BNC2: variants seen among roughly 807,000 people sequenced by gnomAD.
BNC2 encodes zinc finger protein basonuclin-2.
In BNC2, 20 loss-of-function variants were observed where a neutral mutation model predicts 76.3. That is an observed-to-expected ratio of 0.26 (90% CI 0.18 to 0.38). The LOEUF is 0.38. Among genes scored for constraint, BNC2 ranks in the 10% least tolerant of loss-of-function variants. The pLI is 1.00. For missense variants in BNC2, 1,382 were observed against 1,399.8 expected, an observed-to-expected ratio of 0.99 and a Z score of 0.20; for synonymous variants, 582 against 514.8, an observed-to-expected ratio of 1.13 and a Z score of -1.77.
At chr9:16,648,433 T>C (rs577718879) in intron 3 of BNC2, among the ~76,000 whole-genome samples, 1 of 152,208 alleles carries the variant, frequency 6.6e-6, no homozygotes, top group Non-Finnish European at 1.5e-5. Context: ...CAGGTTCTAT[T>C]AGCCAAGTCA....
intron 4 of BNC2, among the ~76,000 whole-genome samples, chr9:16,567,211 A>T (rs982108003): frequency 7.9e-5 from 12 of 152,216 alleles, no homozygotes; most frequent in Non-Finnish European, 1.3e-4. Context: ...TTTATGTGGG[A>T]ACAGAATTGC....
chr9:16,504,151 G>A (rs934404485), intron 5 of BNC2, among the ~76,000 whole-genome samples: 16 of 151,842 alleles, frequency 1.1e-4, no homozygotes, highest in Admixed American at 7.9e-4. Context: ...CCTCATCTGC[G>A]AAATAAGGAT....
At chr9:16,424,058 A>C (rs1251840236) in intron 6 of BNC2, among the ~76,000 whole-genome samples, 1 of 152,190 alleles carries the variant, frequency 6.6e-6, no homozygotes, top group African/African-American at 2.4e-5. Context: ...GCAACCACAG[A>C]AGACATGAAA....
chr9:16,638,129 T>C (rs1422578944), intron 3 of BNC2, among the ~76,000 whole-genome samples: 1 of 152,180 alleles, frequency 6.6e-6, no homozygotes, highest in African/African-American at 2.4e-5. Flanking sequence ...TCTGGGAGTC[T>C]TGTAGGAACA....
intron 4 of BNC2, among the ~76,000 whole-genome samples, chr9:16,578,182 A>T (rs992769231): frequency 6.6e-6 from 1 of 152,206 alleles, no homozygotes; most frequent in Non-Finnish European, 1.5e-5. Context: ...TCAAATACAC[A>T]AATCAAATAT....
At chr9:16,519,645 A>G (rs1817553481) in intron 5 of BNC2, among the ~76,000 whole-genome samples, 1 of 152,190 alleles carries the variant, frequency 6.6e-6, no homozygotes, top group Admixed American at 6.5e-5. Context: ...TGACAACAAA[A>G]ATAGCTGCTA....
rs1405826746 is a variant in BNC2, at chr9:16,710,077, A to G, written c.330+17720T>C. ...GACATTCATATGTAAATGAATGCTGATGAATGGAAATGAGATGCTAAACAT... is the reference window on the plus strand; with the variant it reads ...GACATTCATATGTAAATGAATGCTGGTGAATGGAAATGAGATGCTAAACAT... On this transcript the variant is annotated intron_variant, in intron 3 of 6. Coordinates refer to ENST00000380672, the MANE Select transcript of BNC2 (RefSeq NM_017637.6). Among the ~76,000 whole-genome samples the G allele has an allele frequency of 2.6e-5, 4 of 152,258 alleles. No individual in the cohort carries two copies. In the East Asian group the frequency reaches 7.7e-4, roughly 29 times the overall value.
chr9:16,608,229 T>C (rs918803488), intron 3 of BNC2, among the ~76,000 whole-genome samples: 4 of 152,186 alleles, frequency 2.6e-5, no homozygotes, highest in African/African-American at 9.7e-5. Context: ...AATTCCTCAC[T>C]TGTAACAACT....
At chr9:16,776,987 A>T (rs10962585) in intron 1 of BNC2, among the ~76,000 whole-genome samples, 69,748 of 151,864 alleles carry the variant, frequency 0.46, 21,513 homozygotes, top group Non-Finnish European at 0.69. Flanking sequence ...TTAGCTGGGC[A>T]TGGTGGCACA....
intron 3 of BNC2, among the ~76,000 whole-genome samples, chr9:16,681,738 G>A (rs2134300459): frequency 6.6e-6 from 1 of 152,294 alleles, no homozygotes; most frequent in Non-Finnish European, 1.5e-5. Context: ...TAAAGCTGCA[G>A]TGTATGTACA....
chr9:16,626,280 CA>C (rs1383278721), intron 3 of BNC2: 1 of 152,118 alleles, frequency 6.6e-6, no homozygotes, highest in Non-Finnish European at 1.5e-5. Context: ...AAACAAACTT[CA>C]AAAATCATGA....
At position 16,436,940 on chromosome 9, in the gene BNC2, T is replaced by C; in HGVS notation, c.1254A>G (p.Glu418=). Residue 418 remains glutamate (E), a synonymous_variant, in exon 6 of 7, where the codon GAA becomes GAG. Transcript: ENST00000380672. ...SAPVSDLTKT[E]HPKSSFRIHR... is the part of the protein sequence containing the mutation. The stretch of plus-strand genomic sequence containing the variant: ...GAATCCGGAATGAGCTTTTTGGGTG[T>C]TCAGTTTTGGTTAGATCACTGACTG... 1.9e-6 allele frequency: 3 copies of C among 1,614,170 alleles called. No individual in the cohort carries two copies. The highest frequency in any genetic ancestry group is 2.5e-6 in the Non-Finnish European group (3 of 1,180,032).
rs1278383274 is a variant in BNC2 at position 16,847,170 on chromosome 9, T to C, written c.3+23476A>G. Among the ~76,000 whole-genome samples the C allele has an allele frequency of 3.3e-5, 5 of 152,146 alleles. No homozygotes were observed. The East Asian group carries it at 9.7e-4, about 29-fold the overall frequency. ...TTACTAGAAGTAAGCATATAAGAGA[T>C]ATAATTAGTTATGACACTAGGACAG... On this transcript the variant is annotated intron_variant, in intron 1 of 6. Coordinates refer to ENST00000380672, the MANE Select transcript of BNC2 (RefSeq NM_017637.6).
At chr9:16,735,801 G>A (rs1340043477) in intron 2 of BNC2, among the ~76,000 whole-genome samples, 1 of 151,928 alleles carries the variant, frequency 6.6e-6, no homozygotes, top group African/African-American at 2.4e-5. Flanking sequence ...ACCATGCCCA[G>A]CCAAGATAAT....
chr9:16,523,742 T>C (rs1817696735), intron 5 of BNC2, among the ~76,000 whole-genome samples: 1 of 151,262 alleles, frequency 6.6e-6, no homozygotes, highest in Admixed American at 6.6e-5. Context: ...CTGGCCAACA[T>C]GGTGAAACCC....
intron 5 of BNC2, among the ~76,000 whole-genome samples, chr9:16,446,707 TGTATAATTCATAGA>T (rs1207282796): frequency 6.6e-6 from 1 of 152,132 alleles, no homozygotes; most frequent in Non-Finnish European, 1.5e-5. Flanking sequence ...CAGATAAGAA[TGTATAATTCATAGA>T]GTACTATGCC....
intron 5 of BNC2, among the ~76,000 whole-genome samples, chr9:16,485,835 C>G (rs1822153529): frequency 6.6e-6 from 1 of 152,084 alleles, no homozygotes; most frequent in Non-Finnish European, 1.5e-5. Flanking sequence ...AAGAAAAAAG[C>G]ATGTTCCAGG....
intron 5 of BNC2, among the ~76,000 whole-genome samples, chr9:16,470,185 G>T (rs1364613222): frequency 2.0e-5 from 3 of 151,816 alleles, no homozygotes; most frequent in Non-Finnish European, 4.4e-5. Flanking sequence ...TTTTAGTATA[G>T]ATGGGGTTTC....
At chr9:16,641,231 T>C (rs901633429) in intron 3 of BNC2, among the ~76,000 whole-genome samples, 1 of 152,176 alleles carries the variant, frequency 6.6e-6, no homozygotes, top group Non-Finnish European at 1.5e-5. Flanking sequence ...ATGCACAGTA[T>C]GATAATTTTT....
Sources: allele counts gnomAD v4.1 joint callset (sites outside exome capture counted in the v4.1 genomes callset), GRCh38; gene constraint gnomAD v4.1.1; transcripts MANE v1.5; gene names NCBI Gene and HGNC (gene_info 2026-07-23, HGNC 2026-07-21).